GALNT3: variants seen among roughly 807,000 people sequenced by gnomAD.
GALNT3 encodes polypeptide N-acetylgalactosaminyltransferase 3.
A neutral mutation model predicts 69.8 loss-of-function variants in GALNT3; 51 were observed. The observed-to-expected ratio is 0.73, with a 90% CI of 0.58 to 0.92. GALNT3 has a LOEUF of 0.92. GALNT3 is among the 40% of genes least tolerant of loss of function. GALNT3 has a pLI of 0.00. For missense variants in GALNT3, 711 were observed against 760.0 expected (o/e 0.94, Z 0.76); for synonymous variants, 265 against 248.5 (o/e 1.07, Z -0.63).
At chr2:165,750,928 A>T (rs1190886811) in intron 9 of GALNT3, among the ~76,000 whole-genome samples, 2 of 152,140 alleles carry the variant, frequency 1.3e-5, no homozygotes, top group Non-Finnish European at 2.9e-5. Flanking sequence ...TTCAAGAGCC[A>T]ACTCAAATAC....
chr2:165,767,459 T>C (rs1688663867), intron 2 of GALNT3, among the ~76,000 whole-genome samples: 1 of 152,206 alleles, frequency 6.6e-6, no homozygotes, highest in Non-Finnish European at 1.5e-5. Flanking sequence ...TAAAATGTTA[T>C]CACTTTAATC....
intron 6 of GALNT3, among the ~76,000 whole-genome samples, chr2:165,757,648 T>C (rs2105405611): frequency 6.6e-6 from 1 of 152,290 alleles, no homozygotes; most frequent in East Asian, 1.9e-4. Context: ...TCTTCAAAGT[T>C]TGGATATAAG....
chr2:165,790,590 G>A (rs1345547061), intron 1 of GALNT3, among the ~76,000 whole-genome samples: 1 of 151,780 alleles, frequency 6.6e-6, no homozygotes, highest in Non-Finnish European at 1.5e-5. Flanking sequence ...GATGATTCAG[G>A]CACTGATCAT....
rs185896949 is a variant in GALNT3, at chr2:165,781,263, G to A, written c.-108-10455C>T. 1.8e-3 allele frequency among the ~76,000 whole-genome samples: 271 copies of A among 152,220 alleles called. 6 individuals carry two copies. The East Asian group carries it at 0.046, about 26-fold the overall frequency. ...TTATGAGTTACTCTGTAAACAGGTT[G>A]AGGTAGCATATTCAAATGTTGTAAA... is the stretch of plus-strand genomic sequence containing the variant. On this transcript the variant is annotated intron_variant, in intron 1 of 10. Transcript: ENST00000392701.
upstream of GALNT3, chr2:165,794,514 C>G (rs1416503744): frequency 1.3e-5 from 2 of 152,330 alleles, no homozygotes; most frequent in South Asian, 4.1e-4. Flanking sequence ...ACCTTGTAGC[C>G]AGAACACAGT....
intron 6 of GALNT3, 92 bp downstream of exon 6, chr2:165,758,655 G>A: frequency 2.4e-6 from 2 of 842,426 alleles, no homozygotes; most frequent in African/African-American, 3.4e-5. Context: ...AAAGTAGAGT[G>A]CACACATCTG....
Position 165,766,945 on chromosome 2 carries a change from G to GGATT in GALNT3, c.516-1893_516-1890dup, listed in dbSNP as rs540175861. 9.2e-4 allele frequency among the ~76,000 whole-genome samples: 140 copies of GGATT among 152,204 alleles called. 1 individual carries two copies. The highest frequency in any genetic ancestry group is 3.9e-3 in the Admixed American group (60 of 15,292). ...CAACAGATTAGAAAAAGGAGAGGAT[G>GGATT]GATTCTGAGTGAAAGTGGCATTGCT... On this transcript the variant is annotated intron_variant, in intron 2 of 10. Transcript: ENST00000392701.
intron 9 of GALNT3, 49 bp downstream of exon 9, chr2:165,754,578 T>A (rs776356584): frequency 2.2e-6 from 3 of 1,334,632 alleles, no homozygotes; most frequent in East Asian, 4.6e-5. Flanking sequence ...ACATCTCACT[T>A]GTGCTTGTAA....
intron 7 of GALNT3, 96 bp from the exon 8 acceptor site, chr2:165,755,159 T>A: frequency 8.4e-7 from 1 of 1,186,726 alleles, no homozygotes; most frequent in South Asian, 1.3e-5. Context: ...TAGGTATTTT[T>A]AAAAATCCAT....
chr2:165,767,549 C>G (rs1018949336), intron 2 of GALNT3, among the ~76,000 whole-genome samples: 1 of 152,114 alleles, frequency 6.6e-6, no homozygotes, highest in Non-Finnish European at 1.5e-5. Flanking sequence ...AATGTCATAT[C>G]AATACAAGTA....
At chr2:165,756,687 AC>A (rs1421419821) in intron 7 of GALNT3, among the ~76,000 whole-genome samples, 1 of 152,108 alleles carries the variant, frequency 6.6e-6, no homozygotes, top group Non-Finnish European at 1.5e-5. Flanking sequence ...ACATTAAGAC[AC>A]TGTCTCTATC....
intron 1 of GALNT3, among the ~76,000 whole-genome samples, chr2:165,790,120 C>A (rs1683313144): frequency 6.6e-6 from 1 of 152,040 alleles, no homozygotes. Context: ...TTAAAGATGT[C>A]CAATAGGCAA....
intron 1 of GALNT3, among the ~76,000 whole-genome samples, chr2:165,773,304 A>G (rs1233046606): frequency 6.6e-6 from 1 of 152,156 alleles, no homozygotes; most frequent in Non-Finnish European, 1.5e-5. Flanking sequence ...TCCCCTGCAC[A>G]TGTTCTCTTG....
chr2:165,752,297 A>T (rs1392019777), intron 9 of GALNT3, among the ~76,000 whole-genome samples: 1 of 152,110 alleles, frequency 6.6e-6, no homozygotes, highest in East Asian at 1.9e-4. Context: ...TCGCTTTTCC[A>T]AAAAGGTCTT....
At position 165,758,804 on chromosome 2, in the gene GALNT3, T is replaced by C. The variant is rs1216697101; in HGVS notation, c.1134A>G (p.Gly378=). 2 of 1,611,606 alleles carry C rather than the reference T, an allele frequency of 1.2e-6. No individual in the cohort carries two copies. The highest frequency in any genetic ancestry group is 4.5e-5 in the East Asian group (2 of 44,758). The change falls in exon 6 of 11, where the codon GGA becomes GGG. Residue 378 remains glycine (G), a synonymous_variant. Coordinates refer to ENST00000392701, the MANE Select transcript of GALNT3 (RefSeq NM_004482.4). ...SISKEYFEYI[G]SYDEEMEIWG... ...AGATTTCCATTTCTTCATCATAGCT[T>C]CCAATATACTCAAAATATTCTTTTG...
rs1290343636 is a variant in GALNT3 at position 165,782,534 on chromosome 2, C to A, written c.-109+11481G>T. Among the ~76,000 whole-genome samples the A allele has an allele frequency of 2.0e-5, 3 of 152,120 alleles. No homozygotes were observed. In the East Asian group the frequency reaches 5.8e-4, roughly 29 times the overall value. On this transcript the variant is annotated intron_variant, in intron 1 of 10. Transcript: ENST00000392701. ...TTAGAGAGTCAATATAGAGATTCTG[C>A]CAGTTACCCAGTATGTCTATTCCAA...
intron 1 of GALNT3, among the ~76,000 whole-genome samples, chr2:165,776,537 C>T (rs925698674): frequency 3.3e-5 from 5 of 149,392 alleles, no homozygotes; most frequent in Admixed American, 2.0e-4. Context: ...TTTTTAAAAA[C>T]TAAAAAAAAA....
chr2:165,761,461 G>A (rs920522194), intron 4 of GALNT3, among the ~76,000 whole-genome samples: 4 of 151,930 alleles, frequency 2.6e-5, no homozygotes, highest in Non-Finnish European at 5.9e-5. Flanking sequence ...ATTCACCAAC[G>A]CCGGCCTCCC....
chr2:165,754,399 T>C (rs1367702982), intron 9 of GALNT3, among the ~76,000 whole-genome samples: 1 of 144,916 alleles, frequency 6.9e-6, no homozygotes. Context: ...CTCCTTTTTT[T>C]TTTTTTTTTT....
Sources: allele counts gnomAD v4.1 joint callset (sites outside exome capture counted in the v4.1 genomes callset), GRCh38; gene constraint gnomAD v4.1.1; transcripts MANE v1.5; gene names NCBI Gene and HGNC (gene_info 2026-07-23, HGNC 2026-07-21).